SHISA9: variants seen among roughly 807,000 people sequenced by gnomAD.
The protein encoded by SHISA9 is shisa family member 9.
In SHISA9, 13 loss-of-function variants were observed where a neutral mutation model predicts 38.0. The ratio of observed to expected loss-of-function variants is 0.34; its 90% CI spans 0.22 to 0.54. The LOEUF (loss-of-function observed/expected upper bound fraction) is 0.54, where lower values mean the gene tolerates loss of function less well. Among genes scored for constraint, SHISA9 ranks in the 20% least tolerant of loss-of-function variants. The probability of loss-of-function intolerance (pLI) is 0.91; values close to 1 mark genes in which losing one functional copy is unlikely to be tolerated. For synonymous variants in SHISA9, 275 were observed against 242.0 expected (o/e 1.14, Z -1.27); for missense variants, 538 against 575.8 (o/e 0.93, Z 0.67).
chr16:13,183,002 C>T (rs1274733671), intron 2 of SHISA9, among the ~76,000 whole-genome samples: 2 of 152,196 alleles, frequency 1.3e-5, no homozygotes, highest in South Asian at 4.1e-4. Context: ...TCAGCTAGGG[C>T]TGTTGGCTGG....
chr16:12,951,751 G>T (rs2071760653), intron 2 of SHISA9, among the ~76,000 whole-genome samples: 1 of 152,158 alleles, frequency 6.6e-6, no homozygotes, highest in Non-Finnish European at 1.5e-5. Context: ...ATTCTTCCCT[G>T]CCTTCACCAC....
At chr16:13,536,905 T>C in the SHISA9 span, among the ~76,000 whole-genome samples, 2 of 152,198 alleles carry the variant, frequency 1.3e-5, no homozygotes, top group East Asian at 3.9e-4. Context: ...CCCACACTAA[T>C]GTTGTCCTAC....
rs552583215 is a variant in SHISA9 at position 12,905,090 on chromosome 16, T to C, written c.563+2463T>C. Among the ~76,000 whole-genome samples, 8 of 152,294 alleles carry C rather than the reference T, an allele frequency of 5.3e-5. No individual in the cohort carries two copies. In the South Asian group the frequency reaches 1.7e-3, roughly 32 times the overall value. ...ATCGCTGTTAAGGAAAAGGAACTAATGCCTGCTGAGCACTGTGCAGGGAGC... is the reference window on the plus strand; with the variant it reads ...ATCGCTGTTAAGGAAAAGGAACTAACGCCTGCTGAGCACTGTGCAGGGAGC... On this transcript the variant is annotated intron_variant, in intron 1 of 4. Coordinates refer to ENST00000558583, the MANE Select transcript of SHISA9 (RefSeq NM_001145204.3).
At chr16:13,501,373 G>C in the SHISA9 span, among the ~76,000 whole-genome samples, 1 of 152,248 alleles carries the variant, frequency 6.6e-6, no homozygotes, top group Admixed American at 6.5e-5. Context: ...AGGAAAGAGA[G>C]AAAAAGGGAG....
intron 2 of SHISA9, among the ~76,000 whole-genome samples, chr16:13,171,887 C>G (rs139532512): frequency 6.6e-6 from 1 of 152,108 alleles, no homozygotes; most frequent in Non-Finnish European, 1.5e-5. Flanking sequence ...CTTTCTCTCT[C>G]GGATTCTCTC....
intron 2 of SHISA9, among the ~76,000 whole-genome samples, chr16:13,049,218 CTG>C (rs1417013033): frequency 6.5e-5 from 9 of 137,408 alleles, no homozygotes; most frequent in African/African-American, 2.4e-4. Flanking sequence ...GTGTATGTGT[CTG>C]TGTGTGTTGG....
At chr16:13,310,934 G>A in the SHISA9 span, among the ~76,000 whole-genome samples, 10 of 151,814 alleles carry the variant, frequency 6.6e-5, no homozygotes, top group Admixed American at 2.0e-4. Context: ...CACCCACCTC[G>A]GCCTCCCAAC....
intron 1 of SHISA9, among the ~76,000 whole-genome samples, chr16:12,906,474 G>C (rs189029104): frequency 1.3e-5 from 2 of 152,154 alleles, no homozygotes; most frequent in African/African-American, 2.4e-5. Context: ...GGGGAGGCTC[G>C]CATGGGATCT....
the SHISA9 span, among the ~76,000 whole-genome samples, chr16:13,253,088 T>G: frequency 6.6e-6 from 1 of 152,234 alleles, no homozygotes. Context: ...ATTTTCTTAA[T>G]AATAACATTT....
chr16:13,297,067 A>T, the SHISA9 span, among the ~76,000 whole-genome samples: 1 of 152,070 alleles, frequency 6.6e-6, no homozygotes, highest in Non-Finnish European at 1.5e-5. Flanking sequence ...CTGTAAGCAA[A>T]TATTAATATC....
the SHISA9 span, among the ~76,000 whole-genome samples, chr16:13,337,455 C>T: frequency 1.3e-5 from 2 of 152,066 alleles, no homozygotes; most frequent in Admixed American, 1.3e-4. Context: ...TCCATTAAAC[C>T]TCTTTCTTTT....
chr16:12,997,839 C>T (rs1443930554), intron 2 of SHISA9, among the ~76,000 whole-genome samples: 2 of 152,224 alleles, frequency 1.3e-5, no homozygotes. Flanking sequence ...CACATTTGTA[C>T]ATAACTTGTT....
the SHISA9 span, among the ~76,000 whole-genome samples, chr16:13,422,304 G>A: frequency 6.6e-6 from 1 of 152,140 alleles, no homozygotes; most frequent in African/African-American, 2.4e-5. Context: ...TTTTTAAAAA[G>A]TTATTTTTGA....
downstream of SHISA9, among the ~76,000 whole-genome samples, chr16:13,241,983 C>T (rs927038470): frequency 2.0e-5 from 3 of 152,174 alleles, no homozygotes; most frequent in African/African-American, 4.8e-5. Context: ...TCTAGTGAGC[C>T]ACCTGGTGGA....
At chr16:13,380,868 G>A in the SHISA9 span, among the ~76,000 whole-genome samples, 1 of 128,840 alleles carries the variant, frequency 7.8e-6, no homozygotes, top group East Asian at 2.2e-4. Context: ...TCCCCTCCCT[G>A]TGTCCATGTG....
At chr16:13,197,050 C>A (rs745934821) in intron 2 of SHISA9, among the ~76,000 whole-genome samples, 1 of 151,708 alleles carries the variant, frequency 6.6e-6, no homozygotes, top group Non-Finnish European at 1.5e-5. Context: ...TGAGATCATG[C>A]CACTGCACTC....
chr16:12,972,311 G>A (rs1352352623), intron 2 of SHISA9, among the ~76,000 whole-genome samples: 1 of 152,076 alleles, frequency 6.6e-6, no homozygotes, highest in African/African-American at 2.4e-5. Context: ...TTCCAGCCAA[G>A]AAGCACCACA....
At chr16:13,187,323 C>A (rs1006888663) in intron 2 of SHISA9, among the ~76,000 whole-genome samples, 1 of 90,644 alleles carries the variant, frequency 1.1e-5, no homozygotes, top group Admixed American at 1.2e-4. Flanking sequence ...CTTTTCTTTT[C>A]TTTTCTTTTT....
the SHISA9 span, among the ~76,000 whole-genome samples, chr16:13,482,858 G>A: frequency 2.4e-4 from 36 of 151,482 alleles, no homozygotes; most frequent in African/African-American, 8.5e-4. Flanking sequence ...GTCAGTAGGA[G>A]CAGATCCTCC....
Sources: gnomAD v4.1 joint callset for allele counts (sites outside exome capture counted in the v4.1 genomes callset) on GRCh38, gnomAD v4.1.1 for gene constraint, MANE v1.5 for transcripts, NCBI Gene and HGNC (gene_info 2026-07-23, HGNC 2026-07-21) for gene names.